Variants in REEP1 observed in about 807,000 individuals in gnomAD.
REEP1 encodes receptor accessory protein 1.
Under a neutral mutation model 40.3 loss-of-function variants are expected in REEP1, and 22 were observed. The observed-to-expected ratio is 0.55, with a 90% CI of 0.39 to 0.78. REEP1 has a LOEUF of 0.78. Ranked by LOEUF, REEP1 falls within the 30% of genes least tolerant of loss-of-function variation. The probability of loss-of-function intolerance (pLI) is 0.00; values close to 1 mark genes in which losing one functional copy is unlikely to be tolerated. For missense variants in REEP1, 280 were observed against 361.1 expected (o/e 0.78, Z 1.82); for synonymous variants, 116 against 139.2 (o/e 0.83, Z 1.17).
At chr2:86,239,026 T>C (rs540378395) in intron 5 of REEP1, among the ~76,000 whole-genome samples, 5 of 151,936 alleles carry the variant, frequency 3.3e-5, no homozygotes, top group Non-Finnish European at 7.4e-5. Flanking sequence ...AGAGTAAGAC[T>C]TACTCTTCAC....
chr2:86,245,602 G>A (rs1322798842), intron 5 of REEP1, among the ~76,000 whole-genome samples: 1 of 152,092 alleles, frequency 6.6e-6, no homozygotes, highest in Admixed American at 6.6e-5. Context: ...AATAAATAGT[G>A]TGGAGACCAG....
intron 1 of REEP1, among the ~76,000 whole-genome samples, chr2:86,331,518 GA>G (rs76620571): frequency 5.8e-4 from 84 of 145,994 alleles, no homozygotes; most frequent in African/African-American, 1.7e-3. Flanking sequence ...TCAGTGAAAG[GA>G]AAAAAAAAAG....
chr2:86,227,343 G>C lies in REEP1; in HGVS notation c.631+20C>G. 1.6e-6 allele frequency: 2 copies of C among 1,232,286 alleles called. No homozygotes were observed. The highest frequency in any genetic ancestry group is 1.5e-5 in the African/African-American group (1 of 64,566). The allele number at this position is 1,232,286 out of a possible 1,614,324, so 76.3% of individuals were successfully genotyped here. A position where few individuals can be genotyped will look rare whatever the true frequency, so the allele number is the denominator to read the frequency against. On this transcript the variant is annotated intron_variant, in intron 7 of 8. Coordinates refer to ENST00000538924, the MANE Select transcript of REEP1 (RefSeq NM_001371279.1). ...GAGTGAGAGTCCAGCACGCTGCGGA[G>C]AGGCTGGCTGCTTACTCACCTTTCC...
Position 86,282,378 on chromosome 2 carries a change from T to C in REEP1, c.33-136A>G, listed in dbSNP as rs6721458. 7.6e-3 allele frequency: 5,377 copies of C among 710,172 alleles called. 179 individuals carry two copies. In the African/African-American group the frequency reaches 0.078, roughly 10 times the overall value. The allele number at this position is 710,172 out of a possible 1,614,324, so 44.0% of individuals were successfully genotyped here. A position where few individuals can be genotyped will look rare whatever the true frequency, so the allele number is the denominator to read the frequency against. ...GTGGGGCTTGATTTATTTTTATGAA[T>C]GCCCTGAAGGTGTTCTGCTCGTGGC... On this transcript the variant is annotated intron_variant, in intron 1 of 8. Coordinates refer to ENST00000538924, the MANE Select transcript of REEP1 (RefSeq NM_001371279.1).
chr2:86,231,618 C>T (rs180858501), intron 6 of REEP1, among the ~76,000 whole-genome samples: 11 of 152,290 alleles, frequency 7.2e-5, no homozygotes, highest in Non-Finnish European at 1.6e-4. Context: ...TTAAGGGCCA[C>T]GCAGTCACCA....
intron 7 of REEP1, among the ~76,000 whole-genome samples, chr2:86,225,562 C>T (rs1056498023): frequency 6.6e-6 from 1 of 151,986 alleles, no homozygotes; most frequent in Admixed American, 6.5e-5. Context: ...TGAGCCACTG[C>T]GCCTGTCCTA....
chr2:86,234,227 G>C lies in REEP1; in HGVS notation c.418-1425C>G, dbSNP rs568885350. ...GCTTGCAGTCAGGTTTAGAAGAAAC[G>C]CCAGAAGAGGGCAGGCGTGGTGGCT... On this transcript the variant is annotated intron_variant, in intron 5 of 8. Transcript: ENST00000538924. 3.3e-5 allele frequency among the ~76,000 whole-genome samples: 5 copies of C among 152,036 alleles called. No individual in the cohort carries two copies. The South Asian group carries it at 8.3e-4, about 25-fold the overall frequency.
chr2:86,256,086 T>C (rs1178170333), intron 3 of REEP1, among the ~76,000 whole-genome samples: 1 of 152,090 alleles, frequency 6.6e-6, no homozygotes, highest in African/African-American at 2.4e-5. Flanking sequence ...CGGTGGCTCA[T>C]GCCTGTAATC....
chr2:86,258,444 C>CA (rs1173453318), intron 3 of REEP1, among the ~76,000 whole-genome samples: 2 of 152,070 alleles, frequency 1.3e-5, no homozygotes, highest in South Asian at 2.1e-4. Flanking sequence ...TGGCCCTTTA[C>CA]AAAAAAAAGT....
chr2:86,232,707 TG>T lies in REEP1; in HGVS notation c.512del (p.Pro171HisfsTer46), dbSNP rs387906263. The T allele has an allele frequency of 1.2e-6, 2 of 1,611,058 alleles. No individual in the cohort carries two copies. The highest frequency in any genetic ancestry group is 8.5e-7 in the Non-Finnish European group (1 of 1,179,966). On this transcript the variant is annotated frameshift_variant, in exon 6 of 9. Transcript: ENST00000538924. LOFTEE classifies it high-confidence loss of function. ...GDGAPAPSGPPPPGSGRASGK... is the reference protein window; with the variant it reads ...GDGAPAPSGPXPPGSGRASGK... ...CGCTGGCCCGCCCAGACCCCGGTGG[TG>T]GGGGGCCCGAGGGAGCAGGGGCGCC...
chr2:86,311,543 G>C (rs1021183930), intron 1 of REEP1, among the ~76,000 whole-genome samples: 1 of 152,112 alleles, frequency 6.6e-6, no homozygotes, highest in African/African-American at 2.4e-5. Flanking sequence ...AATCCCTGGA[G>C]TTCCTCGGCC....
intron 1 of REEP1, among the ~76,000 whole-genome samples, chr2:86,293,546 C>T (rs72940160): frequency 0.11 from 16,166 of 152,136 alleles, 1,681 homozygotes; most frequent in African/African-American, 0.27. Flanking sequence ...TCAAAGCTCA[C>T]AAAACTATAC....
At position 86,322,729 on chromosome 2, in the gene REEP1, C is replaced by T. The variant is rs540936311; in HGVS notation, c.32+14750G>A. Among the ~76,000 whole-genome samples, 69 of 152,258 alleles carry T rather than the reference C, an allele frequency of 4.5e-4. 1 individual carries two copies. In the South Asian group the frequency reaches 0.014, roughly 31 times the overall value. The stretch of plus-strand genomic sequence containing the variant: ...TCAGCCTCCCGAAGTGCTAGGATTA[C>T]AGGCATTAGTCACTGCACCTGGCCC... On this transcript the variant is annotated intron_variant, in intron 1 of 8. Transcript: ENST00000538924.
rs112609572 is a variant in REEP1, at chr2:86,318,350, C to T, written c.32+19129G>A. Among the ~76,000 whole-genome samples the T allele has an allele frequency of 5.8e-3, 875 of 151,494 alleles. 12 individuals carry two copies. Among genetic ancestry groups the T allele is most frequent in the Non-Finnish European group, 0.01 (684 of 67,856 alleles). On this transcript the variant is annotated intron_variant, in intron 1 of 8. Coordinates refer to ENST00000538924, the MANE Select transcript of REEP1 (RefSeq NM_001371279.1). Reference sequence around the variant, plus strand: ...AAAATGTACAGTACTCTCTTCTTGACATTATTTTGCTTTTTTTCTGGAAAA... The same window carrying T: ...AAAATGTACAGTACTCTCTTCTTGATATTATTTTGCTTTTTTTCTGGAAAA...
chr2:86,232,073 C>G (rs1178736679), intron 6 of REEP1, among the ~76,000 whole-genome samples: 1 of 152,196 alleles, frequency 6.6e-6, no homozygotes, highest in Non-Finnish European at 1.5e-5. Context: ...AACAAGAACT[C>G]AGAGCTAGCA....
Position 86,247,581 on chromosome 2 carries a change from TTTTG to T in REEP1, c.417+4372_417+4375del, listed in dbSNP as rs540914871. ...TTTTGTTGTTGTTGTTGTTGTTGTT[TTTTG>T]TTTGTTTGTTTAGACAGAGTCTCAC... On this transcript the variant is annotated intron_variant, in intron 5 of 8. Coordinates refer to ENST00000538924, the MANE Select transcript of REEP1 (RefSeq NM_001371279.1). Among the ~76,000 whole-genome samples the T allele has an allele frequency of 1.1e-4, 16 of 152,034 alleles. 1 individual carries two copies. The South Asian group carries it at 3.1e-3, about 30-fold the overall frequency.
At chr2:86,294,723 T>TTAGACAGA (rs1553466991) in intron 1 of REEP1, among the ~76,000 whole-genome samples, 1 of 148,866 alleles carries the variant, frequency 6.7e-6, no homozygotes, top group Non-Finnish European at 1.5e-5. Context: ...GATTTATATT[T>TTAGACAGA]TAGATAGATA....
chr2:86,307,682 T>C (rs189599274), intron 1 of REEP1, among the ~76,000 whole-genome samples: 2 of 151,726 alleles, frequency 1.3e-5, no homozygotes, highest in East Asian at 3.9e-4. Flanking sequence ...TGAGCCGTGA[T>C]GGCGCCACTG....
chr2:86,312,608 G>T (rs1679814799), intron 1 of REEP1, among the ~76,000 whole-genome samples: 1 of 152,172 alleles, frequency 6.6e-6, no homozygotes, highest in East Asian at 1.9e-4. Context: ...CTGCACTCCA[G>T]CCTGGATGAC....
Sources: gnomAD v4.1 joint callset for allele counts (sites outside exome capture counted in the v4.1 genomes callset) on GRCh38, gnomAD v4.1.1 for gene constraint, MANE v1.5 for transcripts, NCBI Gene and HGNC (gene_info 2026-07-23, HGNC 2026-07-21) for gene names.